Variants in TRIM50 observed in about 807,000 individuals in gnomAD.
The protein encoded by TRIM50 is tripartite motif containing 50.
TRIM50 carries 34 observed loss-of-function variants against 44.9 expected under a neutral mutation model. The ratio of observed to expected loss-of-function variants is 0.76; its 90% CI spans 0.58 to 1.01. The LOEUF is 1.01. Among genes scored for constraint, TRIM50 ranks in the 50% least tolerant of loss-of-function variants. TRIM50 has a pLI of 0.00. For missense variants in TRIM50, 633 were observed against 663.7 expected (o/e 0.95, Z 0.51); for synonymous variants, 307 against 291.1 (o/e 1.05, Z -0.56).
chr7:73,323,253 G>A (rs1335095356), intron 2 of TRIM50, among the ~76,000 whole-genome samples: 8 of 152,066 alleles, frequency 5.3e-5, no homozygotes, highest in East Asian at 1.9e-4. Flanking sequence ...ATCCCTTCCC[G>A]GGTCACACTG....
chr7:73,318,286 G>A (rs1278404434), intron 5 of TRIM50, among the ~76,000 whole-genome samples: 3 of 152,076 alleles, frequency 2.0e-5, no homozygotes, highest in Non-Finnish European at 2.9e-5. Flanking sequence ...ATGACACCAT[G>A]CCCAACTAAT....
chr7:73,324,602 G>A lies in TRIM50; in HGVS notation c.186C>T (p.Gly62=), dbSNP rs1211770557. The A allele has an allele frequency of 1.7e-5, 27 of 1,614,098 alleles. No individual in the cohort carries two copies. Among genetic ancestry groups the A allele is most frequent in the Non-Finnish European group, 2.2e-5 (26 of 1,180,012 alleles). Residue 62 remains glycine, a synonymous_variant, in exon 2 of 7, where the codon GGC becomes GGT. Transcript: ENST00000333149. ...GGGAGACGTTGGGCAGGGAGCTGCTGCCGTCCACCGCCTGCCGGCACACGG... is the reference window on the plus strand; with the variant it reads ...GGGAGACGTTGGGCAGGGAGCTGCTACCGTCCACCGCCTGCCGGCACACGG... ...RCPVCRQAVD[G]SSSLPNVSLA...
intron 6 of TRIM50, chr7:73,314,283 C>G (rs1344249425): frequency 3.1e-6 from 1 of 326,394 alleles, no homozygotes; most frequent in Non-Finnish European, 5.9e-6. Flanking sequence ...TGGTCCTGCT[C>G]GGTCAGGGTG....
At chr7:73,324,865 T>A in intron 1 of TRIM50, 60 bp from the exon 2 acceptor site, 1 of 1,587,048 alleles carries the variant, frequency 6.3e-7, no homozygotes, top group Non-Finnish European at 8.6e-7. Flanking sequence ...CCAGCACTCA[T>A]CCACCACCCT....
chr7:73,327,472 G>A (rs1554546387), intron 1 of TRIM50, among the ~76,000 whole-genome samples: 1 of 152,096 alleles, frequency 6.6e-6, no homozygotes, highest in Non-Finnish European at 1.5e-5. Flanking sequence ...GGCTCAGAAC[G>A]AGCCTCTGTC....
intron 5 of TRIM50, 68 bp from the exon 6 acceptor site, chr7:73,316,757 T>C: frequency 6.3e-7 from 1 of 1,576,770 alleles, no homozygotes; most frequent in Non-Finnish European, 8.6e-7. Context: ...CTCCATCCTA[T>C]CTATGTTTGC....
rs1804287148 is a variant in TRIM50 at position 73,313,542 on chromosome 7, C to T, written c.875-32G>A. 6.9e-7 allele frequency: 1 copy of T among 1,453,342 alleles called. No homozygotes were observed. Among genetic ancestry groups the T allele is most frequent in the Non-Finnish European group, 9.1e-7 (1 of 1,101,808 alleles). The allele number at this position is 1,453,342 out of a possible 1,614,324, so 90.0% of individuals were successfully genotyped here. ...GGGAGATCACAGAGGGTCTGTGAGGCCACGTGGAGGGCAGCAGACCCGGCC... is the reference window on the plus strand; with the variant it reads ...GGGAGATCACAGAGGGTCTGTGAGGTCACGTGGAGGGCAGCAGACCCGGCC... On this transcript the variant is annotated intron_variant, in intron 6 of 6. Coordinates refer to ENST00000333149, the MANE Select transcript of TRIM50 (RefSeq NM_178125.3). The surrounding 1 kb of genome is among the most constrained non-coding windows in gnomAD (Gnocchi z 4.9).
At chr7:73,324,323 C>T (rs1804562114) in intron 2 of TRIM50, 66 bp downstream of exon 2, 1 of 1,610,584 alleles carries the variant, frequency 6.2e-7, no homozygotes, top group African/African-American at 1.3e-5. Flanking sequence ...CAGGTGATGG[C>T]ACCAGAGAGC....
At chr7:73,327,035 C>G (rs1804649828) in intron 1 of TRIM50, among the ~76,000 whole-genome samples, 2 of 152,210 alleles carry the variant, frequency 1.3e-5, no homozygotes, top group Admixed American at 1.3e-4. Flanking sequence ...GAGCGATCCA[C>G]CGGCTTTGGC....
rs1341583156 is a variant in TRIM50, at chr7:73,312,850, CCAG to C, written c.*68_*70del. 2.4e-6 allele frequency: 3 copies of C among 1,269,846 alleles called. No individual in the cohort carries two copies. In the African/African-American group the frequency reaches 4.5e-5, roughly 19 times the overall value. 78.7% of individuals were successfully genotyped at this position (1,269,846 alleles called of 1,614,324 possible). A position where few individuals can be genotyped will look rare whatever the true frequency, so the allele number is the denominator to read the frequency against. On this transcript the variant is annotated 3_prime_UTR_variant, in exon 7 of 7. Transcript: ENST00000333149. ...GTGACGATATCACCTCAGGCGGGAC[CCAG>C]CAGAAGCCCGCGAGTCCCCGGTGCC...
Position 73,316,620 on chromosome 7 carries a change from G to A in TRIM50, c.819C>T (p.His273=), listed in dbSNP as rs781872888. ...ACACGGTCAGCTTGATGTCAGCCTGGTGGAGGCCTGGCTTGAAGGAGATGG... is the reference window on the plus strand; with the variant it reads ...ACACGGTCAGCTTGATGTCAGCCTGATGGAGGCCTGGCTTGAAGGAGATGG... ...FSPISFKPGL[H]QADIKLTVWK... The change falls in exon 6 of 7, where the codon CAC becomes CAT. Residue 273 remains histidine (H), a synonymous_variant. Coordinates refer to ENST00000333149, the MANE Select transcript of TRIM50 (RefSeq NM_178125.3). 6.8e-6 allele frequency: 11 copies of A among 1,614,114 alleles called. No individual in the cohort carries two copies. In the Admixed American group the frequency reaches 1.7e-4, roughly 24 times the overall value.
At chr7:73,320,798 C>T (rs1221792196) in intron 2 of TRIM50, among the ~76,000 whole-genome samples, 5 of 149,116 alleles carry the variant, frequency 3.4e-5, no homozygotes, top group East Asian at 4.0e-4. Flanking sequence ...GAGGCCGAGG[C>T]GAGTGGATCA....
chr7:73,324,789 C>T lies in TRIM50; in HGVS notation c.-2G>A, dbSNP rs781829042. 1.9e-6 allele frequency: 3 copies of T among 1,613,734 alleles called. No homozygotes were observed. The highest frequency in any genetic ancestry group is 2.2e-5 in the East Asian group (1 of 44,872). On this transcript the variant is annotated 5_prime_UTR_variant, in exon 2 of 7. Coordinates refer to ENST00000333149, the MANE Select transcript of TRIM50 (RefSeq NM_178125.3). Reference sequence around the variant, plus strand: ...TGGCAGGCTCACCTGCCAAGCCATCCACACTCACTGCCCGGGCTGAAACAC... The same window carrying T: ...TGGCAGGCTCACCTGCCAAGCCATCTACACTCACTGCCCGGGCTGAAACAC...
intron 1 of TRIM50, among the ~76,000 whole-genome samples, chr7:73,325,044 G>A (rs1563305182): frequency 6.6e-6 from 1 of 151,380 alleles, no homozygotes; most frequent in Non-Finnish European, 1.5e-5. Context: ...GTGTGTGTGT[G>A]TGTGTGTGTC....
At chr7:73,325,042 G>GTA (rs1282694857) in intron 1 of TRIM50, among the ~76,000 whole-genome samples, 1 of 151,438 alleles carries the variant, frequency 6.6e-6, no homozygotes, top group Admixed American at 6.6e-5. Flanking sequence ...GTGTGTGTGT[G>GTA]TGTGTGTGTG....
chr7:73,320,520 A>C (rs1219112646), intron 2 of TRIM50, among the ~76,000 whole-genome samples: 1 of 152,048 alleles, frequency 6.6e-6, no homozygotes, highest in African/African-American at 2.4e-5. Context: ...CAACATAGTG[A>C]AACCCCATTT....
At chr7:73,323,275 C>T (rs1175487930) in intron 2 of TRIM50, among the ~76,000 whole-genome samples, 1 of 152,210 alleles carries the variant, frequency 6.6e-6, no homozygotes, top group Non-Finnish European at 1.5e-5. Flanking sequence ...CCTCTCCATG[C>T]CCCAGCCGCA....
chr7:73,322,852 C>T (rs1361755260), intron 2 of TRIM50, among the ~76,000 whole-genome samples: 1 of 152,156 alleles, frequency 6.6e-6, no homozygotes, highest in Non-Finnish European at 1.5e-5. Context: ...CACCTCTCGC[C>T]CTGAGCCCCA....
chr7:73,325,883 G>A (rs534760977), intron 1 of TRIM50, among the ~76,000 whole-genome samples: 1 of 142,834 alleles, frequency 7.0e-6, no homozygotes, highest in Admixed American at 6.9e-5. Context: ...CTTTTTTTGG[G>A]CGGGGGGGCT....
Sources: allele counts gnomAD v4.1 joint callset (sites outside exome capture counted in the v4.1 genomes callset), GRCh38; gene constraint gnomAD v4.1.1; non-coding constraint Gnocchi (gnomAD v3.1); transcripts MANE v1.5; gene names NCBI Gene and HGNC (gene_info 2026-07-23, HGNC 2026-07-21).